The following TOM1L1 variants were observed in gnomAD, a reference collection of about 807,000 sequenced individuals.
TOM1L1 encodes target of myb1 like 1 membrane trafficking protein.
In TOM1L1, 64 loss-of-function variants were observed where a neutral mutation model predicts 63.4. The observed-to-expected ratio is 1.01, with a 90% CI of 0.83 to 1.24. TOM1L1 has a LOEUF of 1.24. TOM1L1 is among the 50% of genes most tolerant of loss of function. The pLI is 0.00. For missense variants in TOM1L1, 536 were observed against 567.0 expected (o/e 0.95, Z 0.55); for synonymous variants, 166 against 194.4 (o/e 0.85, Z 1.22).
rs573369983 is a variant in TOM1L1 at position 54,931,769 on chromosome 17, C to G, written c.854+1563C>G. ...AGTGATCCAAGATCGTGCCACTGCA[C>G]TCCAGCCTGGGTGACAGAGTGAGAC... On this transcript the variant is annotated intron_variant, in intron 8 of 15. Coordinates refer to ENST00000575882, the MANE Select transcript of TOM1L1 (RefSeq NM_005486.3). Among the ~76,000 whole-genome samples, 109 of 151,548 alleles carry G rather than the reference C, an allele frequency of 7.2e-4. 1 individual carries two copies. The highest frequency in any genetic ancestry group is 2.5e-3 in the African/African-American group (104 of 41,374).
At position 54,949,595 on chromosome 17, in the gene TOM1L1, T is replaced by G. The variant is rs2143958756; in HGVS notation, c.1260T>G (p.Ser420Arg). 1.9e-6 allele frequency: 3 copies of G among 1,606,480 alleles called. 1 individual carries two copies. The South Asian group carries it at 3.6e-5, about 19-fold the overall frequency. The change falls in exon 13 of 16, where the codon AGT becomes AGG. Residue 420 changes from serine (S) to arginine (R), a missense_variant. Physicochemically the swap from Ser to Arg is moderately radical, Grantham distance 110. Coordinates refer to ENST00000575882, the MANE Select transcript of TOM1L1 (RefSeq NM_005486.3). ...TTGCAGCAGCACCATCAAACCAGAG[T>G]CTGCCACCTTTGCCCAGCAATCATC... Reference protein sequence around the residue: ...QTIAAAPSNQSLPPLPSNHPA... With the variant: ...QTIAAAPSNQRLPPLPSNHPA...
At chr17:54,930,033 C>G (rs2048832032) in intron 7 of TOM1L1, 40 bp from the exon 8 acceptor site, 3 of 1,612,546 alleles carry the variant, frequency 1.9e-6, no homozygotes, top group African/African-American at 2.7e-5. Flanking sequence ...ATAGAATGTT[C>G]CAAGTGTGGA....
At chr17:54,902,542 G>C (rs1425832435) in intron 1 of TOM1L1, among the ~76,000 whole-genome samples, 1 of 152,116 alleles carries the variant, frequency 6.6e-6, no homozygotes, top group Non-Finnish European at 1.5e-5. Context: ...TACCCACCTC[G>C]GCCTCCCAAA....
intron 14 of TOM1L1, chr17:54,954,142 A>C (rs550754654): frequency 1.3e-5 from 2 of 152,316 alleles, no homozygotes; most frequent in African/African-American, 4.8e-5. Context: ...CCAGGTTATC[A>C]GCACACATAT....
chr17:54,934,963 C>G (rs2048923032), intron 8 of TOM1L1, among the ~76,000 whole-genome samples: 1 of 152,188 alleles, frequency 6.6e-6, no homozygotes, highest in African/African-American at 2.4e-5. Context: ...AGTAATCCAC[C>G]TGTCTCAGCC....
At chr17:54,930,715 G>A (rs904574202) in intron 8 of TOM1L1, among the ~76,000 whole-genome samples, 1 of 152,052 alleles carries the variant, frequency 6.6e-6, no homozygotes, top group Non-Finnish European at 1.5e-5. Flanking sequence ...GGTCGCGCAT[G>A]CCTGTAGACC....
intron 7 of TOM1L1, among the ~76,000 whole-genome samples, chr17:54,925,446 A>G (rs948207190): frequency 4.6e-5 from 7 of 152,220 alleles, no homozygotes; most frequent in African/African-American, 1.7e-4. Context: ...CCTACAAGCC[A>G]GGCCCCAGGG....
intron 7 of TOM1L1, among the ~76,000 whole-genome samples, chr17:54,929,311 C>T (rs2048818060): frequency 6.6e-6 from 1 of 151,568 alleles, no homozygotes; most frequent in Admixed American, 6.6e-5. Flanking sequence ...TGTAGATTTT[C>T]AGACACCCAG....
intron 8 of TOM1L1, among the ~76,000 whole-genome samples, chr17:54,932,388 G>A (rs2048878124): frequency 6.6e-6 from 1 of 152,122 alleles, no homozygotes; most frequent in African/African-American, 2.4e-5. Context: ...AACTGATTAG[G>A]TCAGGGGTCG....
intron 10 of TOM1L1, 99 bp from the exon 11 acceptor site, chr17:54,938,825 C>G: frequency 7.1e-6 from 4 of 563,384 alleles, no homozygotes; most frequent in East Asian, 3.4e-5. Context: ...TTTTTTTTTT[C>G]TTTTTCTTTT....
chr17:54,937,162 T>G lies in TOM1L1; in HGVS notation c.969T>G (p.Ser323Arg), dbSNP rs770650363. 6.2e-7 allele frequency: 1 copy of G among 1,613,774 alleles called. No individual in the cohort carries two copies. Among genetic ancestry groups the G allele is most frequent in the South Asian group, 1.1e-5 (1 of 91,074 alleles). Residue 323 changes from serine to arginine, a missense_variant, in exon 10 of 16, where the codon AGT (serine) becomes AGG (arginine). Coordinates refer to ENST00000575882, the MANE Select transcript of TOM1L1 (RefSeq NM_005486.3). ...PSQDLLDLSP[S>R]PRMPRATLGE... is the part of the protein sequence containing the mutation. ...AAGATCTCCTCGACCTAAGTCCCAG[T>G]CCCCGGATGCCTAGGGCCACTCTGG...
intron 7 of TOM1L1, among the ~76,000 whole-genome samples, chr17:54,922,555 A>G (rs1248579350): frequency 1.3e-5 from 2 of 152,106 alleles, no homozygotes; most frequent in African/African-American, 4.8e-5. Context: ...GTAAACCGTG[A>G]TTGCACCATT....
At chr17:54,915,954 G>T (rs1002735941) in intron 7 of TOM1L1, 92 bp downstream of exon 7, 3 of 851,204 alleles carry the variant, frequency 3.5e-6, no homozygotes, top group Non-Finnish European at 5.8e-6. Flanking sequence ...CCTTAATATT[G>T]TCTAGTACAT....
Position 54,961,236 on chromosome 17 carries a change from AG to A in TOM1L1, c.*4del. On this transcript the variant is annotated splice_region_variant and 3_prime_UTR_variant, in exon 16 of 16. Coordinates refer to ENST00000575882, the MANE Select transcript of TOM1L1 (RefSeq NM_005486.3). ...GCCATTTTCTTCTCTTTATTTTAGA[AG>A]AAAGTGGATGATCAGCTCACTACCA... 2.0e-6 allele frequency: 3 copies of A among 1,532,760 alleles called. No individual in the cohort carries two copies. The highest frequency in any genetic ancestry group is 2.7e-6 in the Non-Finnish European group (3 of 1,129,766). The allele number at this position is 1,532,760 out of a possible 1,614,324, so 94.9% of individuals were successfully genotyped here. A position where few individuals can be genotyped will look rare whatever the true frequency, so the allele number is the denominator to read the frequency against.
At chr17:54,926,094 T>G (rs1349337004) in intron 7 of TOM1L1, among the ~76,000 whole-genome samples, 1 of 152,242 alleles carries the variant, frequency 6.6e-6, no homozygotes, top group Non-Finnish European at 1.5e-5. Flanking sequence ...CACTGAACAA[T>G]TAGATCCTGA....
At chr17:54,913,558 C>T (rs1021952015) in intron 4 of TOM1L1, among the ~76,000 whole-genome samples, 190 bp from the exon 5 acceptor site, 10 of 150,804 alleles carry the variant, frequency 6.6e-5, no homozygotes, top group Non-Finnish European at 1.3e-4. Flanking sequence ...CCCAGCTACT[C>T]AGGAGGCTGA....
chr17:54,955,147 G>C (rs2049432153), intron 14 of TOM1L1: 1 of 152,194 alleles, frequency 6.6e-6, no homozygotes, highest in Admixed American at 6.5e-5. Flanking sequence ...AACTCAGCTT[G>C]AATACTTCTG....
At chr17:54,906,812 T>G (rs751510389) in intron 3 of TOM1L1, 1 of 985,552 alleles carries the variant, frequency 1.0e-6, no homozygotes, top group Non-Finnish European at 1.2e-6. Flanking sequence ...TACTTTAGTA[T>G]GTGTTGCAAG....
intron 11 of TOM1L1, among the ~76,000 whole-genome samples, chr17:54,942,928 A>C (rs1455125980): frequency 6.6e-6 from 1 of 152,218 alleles, no homozygotes; most frequent in Non-Finnish European, 1.5e-5. Flanking sequence ...GTAGAATTAT[A>C]CAATATATCA....
Sources: gnomAD v4.1 joint callset for allele counts (sites outside exome capture counted in the v4.1 genomes callset) on GRCh38, gnomAD v4.1.1 for gene constraint, MANE v1.5 for transcripts, NCBI Gene and HGNC (gene_info 2026-07-23, HGNC 2026-07-21) for gene names.